The following TMEM132C variants were observed in gnomAD, a reference collection of about 807,000 sequenced individuals.
TMEM132C encodes the protein protein phosphatase 1, regulatory subunit 152.
A neutral mutation model predicts 61.4 loss-of-function variants in TMEM132C; 29 were observed. The ratio of observed to expected loss-of-function variants is 0.47; its 90% CI spans 0.35 to 0.64. The LOEUF is 0.64. TMEM132C is among the 30% of genes least tolerant of loss of function. The pLI is 0.00. For missense variants in TMEM132C, 1,408 were observed against 1,476.9 expected (o/e 0.95, Z 0.76); for synonymous variants, 656 against 633.1 (o/e 1.04, Z -0.54).
At chr12:128,370,167 A>G (rs1332587267) in intron 1 of TMEM132C, among the ~76,000 whole-genome samples, 1 of 152,174 alleles carries the variant, frequency 6.6e-6, no homozygotes, top group East Asian at 1.9e-4. Flanking sequence ...TGCCCTGGCC[A>G]GCAAGCCCCC....
intron 1 of TMEM132C, among the ~76,000 whole-genome samples, chr12:128,393,767 C>A (rs1304755075): frequency 2.0e-5 from 3 of 152,152 alleles, no homozygotes; most frequent in Admixed American, 2.0e-4. Flanking sequence ...GCTGCTCCAT[C>A]TCCAGCATCA....
In TMEM132C at chr12:128,419,916, G is replaced by A. The variant is rs368113785; in HGVS notation, c.974+4296G>A. On this transcript the variant is annotated intron_variant, in intron 2 of 8. Transcript: ENST00000435159. ...GATAAAAATAATCAAAATTGGGTTG[G>A]GTATGGTAGCTCACACCTGTAATCC... 2.2e-4 allele frequency among the ~76,000 whole-genome samples: 33 copies of A among 152,214 alleles called. No homozygotes were observed. In the East Asian group the frequency reaches 5.8e-3, roughly 27 times the overall value.
intron 2 of TMEM132C, among the ~76,000 whole-genome samples, chr12:128,496,298 A>G (rs1351325281): frequency 2.0e-5 from 3 of 152,052 alleles, no homozygotes; most frequent in South Asian, 2.1e-4. Flanking sequence ...GGTGAATCTG[A>G]CAATTATGTG....
At chr12:128,349,719 C>T (rs1422027743) in intron 1 of TMEM132C, among the ~76,000 whole-genome samples, 2 of 152,126 alleles carry the variant, frequency 1.3e-5, no homozygotes, top group Non-Finnish European at 2.9e-5. Flanking sequence ...GCTTGTGTGC[C>T]CCAGTTGGGA....
chr12:128,311,072 A>G (rs1871949934), intron 1 of TMEM132C, among the ~76,000 whole-genome samples: 1 of 152,252 alleles, frequency 6.6e-6, no homozygotes, highest in Non-Finnish European at 1.5e-5. Flanking sequence ...ATCAAATACT[A>G]TTAACTGTTA....
intron 2 of TMEM132C, among the ~76,000 whole-genome samples, chr12:128,526,736 G>A (rs780406993): frequency 6.6e-6 from 1 of 152,134 alleles, no homozygotes; most frequent in African/African-American, 2.4e-5. Flanking sequence ...GAGTGGAGAA[G>A]GAGAAGAGTG....
chr12:128,267,284 A>G lies in TMEM132C; in HGVS notation c.-119A>G, dbSNP rs1870336135. On this transcript the variant is annotated 5_prime_UTR_variant, in exon 1 of 9. Transcript: ENST00000435159. The stretch of plus-strand genomic sequence containing the variant: ...GGCGGGCCTCGGACAGCAGAGACGC[A>G]GCGGGCCCGGCCGACCGGGCTGCGG... 1 of 549,092 alleles carries G rather than the reference A, an allele frequency of 1.8e-6. No homozygotes were observed. 34.0% of individuals were successfully genotyped at this position (549,092 alleles called of 1,614,324 possible).
chr12:128,501,905 T>C (rs1872194812), intron 2 of TMEM132C, among the ~76,000 whole-genome samples: 1 of 152,190 alleles, frequency 6.6e-6, no homozygotes, highest in South Asian at 2.1e-4. Context: ...TTTGACATCC[T>C]GAGAGCCATC....
At chr12:128,593,629 G>T (rs1402971328) in intron 3 of TMEM132C, among the ~76,000 whole-genome samples, 2 of 152,210 alleles carry the variant, frequency 1.3e-5, no homozygotes, top group South Asian at 4.1e-4. Context: ...CAGGAGGCCG[G>T]TGCCTACTTT....
intron 5 of TMEM132C, among the ~76,000 whole-genome samples, chr12:128,675,872 G>GATAA (rs1566011917): frequency 7.8e-6 from 1 of 128,558 alleles, no homozygotes; most frequent in Non-Finnish European, 1.7e-5. Context: ...TAGATAGATA[G>GATAA]ATAGATAGAT....
At chr12:128,461,907 T>C (rs930553271) in intron 2 of TMEM132C, among the ~76,000 whole-genome samples, 1 of 152,086 alleles carries the variant, frequency 6.6e-6, no homozygotes, top group Non-Finnish European at 1.5e-5. Context: ...CAGGCAGAGA[T>C]TTCAGTGCTA....
At chr12:128,414,268 C>A (rs1231835098) in intron 1 of TMEM132C, among the ~76,000 whole-genome samples, 2 of 152,034 alleles carry the variant, frequency 1.3e-5, no homozygotes. Flanking sequence ...CTATGTTTAC[C>A]TCAGGATTTG....
At chr12:128,594,394 T>C in intron 3 of TMEM132C, among the ~76,000 whole-genome samples, 1 of 129,510 alleles carries the variant, frequency 7.7e-6, no homozygotes, top group African/African-American at 3.0e-5. Context: ...GAATGAAAGC[T>C]CCACGGGACA....
chr12:128,516,262 G>A (rs1399195764), intron 2 of TMEM132C, among the ~76,000 whole-genome samples: 2 of 152,186 alleles, frequency 1.3e-5, no homozygotes, highest in African/African-American at 2.4e-5. Flanking sequence ...GCCCATCCAC[G>A]GGAGGCTGGA....
At chr12:128,378,879 G>GT (rs1874310940) in intron 1 of TMEM132C, among the ~76,000 whole-genome samples, 1 of 152,178 alleles carries the variant, frequency 6.6e-6, no homozygotes, top group South Asian at 2.1e-4. Flanking sequence ...CCATGCTGCT[G>GT]TTCTTGTGAT....
At chr12:128,542,569 C>A (rs1873794733) in intron 2 of TMEM132C, among the ~76,000 whole-genome samples, 1 of 152,152 alleles carries the variant, frequency 6.6e-6, no homozygotes, top group Non-Finnish European at 1.5e-5. Flanking sequence ...GCCTCCTAAA[C>A]TGCTGGGATT....
intron 3 of TMEM132C, among the ~76,000 whole-genome samples, chr12:128,566,115 C>T (rs1874689517): frequency 6.7e-6 from 1 of 149,436 alleles, no homozygotes; most frequent in South Asian, 2.1e-4. Context: ...GTCCTGAACT[C>T]CTGGCCTCAA....
intron 2 of TMEM132C, among the ~76,000 whole-genome samples, chr12:128,502,913 C>T (rs1424568402): frequency 6.6e-6 from 1 of 152,228 alleles, no homozygotes; most frequent in Non-Finnish European, 1.5e-5. Context: ...TCCATCTGCT[C>T]TGATCTCTCA....
intron 3 of TMEM132C, among the ~76,000 whole-genome samples, chr12:128,594,467 G>A (rs1875875943): frequency 6.6e-6 from 1 of 151,510 alleles, no homozygotes; most frequent in Non-Finnish European, 1.5e-5. Context: ...GCATATTGCA[G>A]GTGCTTGGTG....
Sources: allele counts gnomAD v4.1 joint callset (sites outside exome capture counted in the v4.1 genomes callset), GRCh38; gene constraint gnomAD v4.1.1; transcripts MANE v1.5; gene names NCBI Gene and HGNC (gene_info 2026-07-23, HGNC 2026-07-21).